The following LTBP2 variants were observed in gnomAD, a reference collection of about 807,000 sequenced individuals.
LTBP2 encodes latent-transforming growth factor beta-binding protein 2.
Under a neutral mutation model 210.6 loss-of-function variants are expected in LTBP2, and 103 were observed. The observed-to-expected ratio is 0.49, with a 90% CI of 0.42 to 0.58. The LOEUF is 0.58. Ranked by LOEUF, LTBP2 falls within the 20% of genes least tolerant of loss-of-function variation. LTBP2 has a pLI of 0.00. For missense variants in LTBP2, 2,313 were observed against 2,494.5 expected (o/e 0.93, Z 1.55); for synonymous variants, 1,007 against 1,015.0 (o/e 0.99, Z 0.15).
intron 3 of LTBP2, among the ~76,000 whole-genome samples, chr14:74,565,322 A>G (rs1386868656): frequency 6.6e-6 from 1 of 152,216 alleles, no homozygotes; most frequent in Non-Finnish European, 1.5e-5. Context: ...AAGCAGGCCT[A>G]GGACATGTTG....
intron 8 of LTBP2, among the ~76,000 whole-genome samples, chr14:74,547,904 C>T (rs2087598032): frequency 6.6e-6 from 1 of 152,168 alleles, no homozygotes; most frequent in African/African-American, 2.4e-5. Context: ...TGCCTTTCTA[C>T]AGGAGAGCCA....
intron 3 of LTBP2, among the ~76,000 whole-genome samples, chr14:74,561,394 TTATC>T (rs1208710412): frequency 2.0e-5 from 3 of 152,220 alleles, no homozygotes; most frequent in Non-Finnish European, 2.9e-5. Flanking sequence ...ATACATCATC[TTATC>T]TATGTTATTT....
chr14:74,550,073 G>A, intron 7 of LTBP2, 108 bp from the exon 8 acceptor site: 2 of 754,336 alleles, frequency 2.7e-6, no homozygotes, highest in East Asian at 2.6e-5. Flanking sequence ...CCCACATTCT[G>A]CCAGAGGATG....
intron 9 of LTBP2, among the ~76,000 whole-genome samples, chr14:74,533,269 CAGG>C (rs1313643755): frequency 6.6e-6 from 1 of 152,226 alleles, no homozygotes; most frequent in Non-Finnish European, 1.5e-5. Flanking sequence ...CCTCATTTTA[CAGG>C]AGAAGAAACT....
intron 18 of LTBP2, among the ~76,000 whole-genome samples, chr14:74,515,984 C>T (rs964235682): frequency 1.1e-4 from 16 of 152,224 alleles, no homozygotes; most frequent in Non-Finnish European, 2.4e-4. Context: ...GGAAGGGAAG[C>T]TGTCCTTTCA....
intron 2 of LTBP2, among the ~76,000 whole-genome samples, 161 bp downstream of exon 2, chr14:74,603,473 CT>C (rs2139807639): frequency 6.6e-6 from 1 of 152,342 alleles, no homozygotes; most frequent in South Asian, 2.1e-4. Flanking sequence ...TGGATGTTGC[CT>C]CCACTTTAAA....
chr14:74,512,722 C>T (rs2087087711), intron 18 of LTBP2, among the ~76,000 whole-genome samples: 1 of 152,230 alleles, frequency 6.6e-6, no homozygotes, highest in African/African-American at 2.4e-5. Context: ...AGGAGAGTCC[C>T]ACAACTCCCA....
intron 2 of LTBP2, among the ~76,000 whole-genome samples, chr14:74,595,814 G>A (rs114377511): frequency 0.015 from 2,251 of 152,288 alleles, 54 homozygotes; most frequent in African/African-American, 0.052. Context: ...GCATTCAAAC[G>A]CACGATTTGC....
intron 3 of LTBP2, among the ~76,000 whole-genome samples, chr14:74,560,525 C>A (rs1280698089): frequency 6.6e-6 from 1 of 152,228 alleles, no homozygotes; most frequent in Non-Finnish European, 1.5e-5. Flanking sequence ...TGTGCCCACA[C>A]CCTGCCCGAC....
At chr14:74,534,243 G>A (rs992403294) in intron 9 of LTBP2, among the ~76,000 whole-genome samples, 10 of 152,170 alleles carry the variant, frequency 6.6e-5, no homozygotes, top group African/African-American at 2.4e-4. Flanking sequence ...CTTAGAGGGA[G>A]GCTCTAAACC....
chr14:74,564,095 ATATT>A (rs1193846185), intron 3 of LTBP2, among the ~76,000 whole-genome samples: 3 of 35,330 alleles, frequency 8.5e-5, no homozygotes, highest in African/African-American at 2.9e-4. Flanking sequence ...ATTTATATAT[ATATT>A]TATATATATA....
chr14:74,527,044 A>G (rs1454777222), intron 13 of LTBP2, among the ~76,000 whole-genome samples: 1 of 152,224 alleles, frequency 6.6e-6, no homozygotes, highest in Non-Finnish European at 1.5e-5. Context: ...CTTGAGTGAC[A>G]GCCAGGCCTA....
intron 18 of LTBP2, among the ~76,000 whole-genome samples, chr14:74,511,997 GA>G (rs1248432567): frequency 6.6e-6 from 1 of 152,206 alleles, no homozygotes; most frequent in Non-Finnish European, 1.5e-5. Flanking sequence ...TGAGATCCAG[GA>G]AAGTCAGCCA....
rs1409727192 is a variant in LTBP2, at chr14:74,509,264, G to T, written c.3377C>A (p.Pro1126His). 1 of 1,613,510 alleles carries T rather than the reference G, an allele frequency of 6.2e-7. No homozygotes were observed. The highest frequency in any genetic ancestry group is 2.2e-5 in the East Asian group (1 of 44,890). ...SCKDCDGGYR[P>H]SPLGDSCEDV... ...TTCACAGGAGTCACCCAGGGGGCTG[G>T]GCCGGTAGCCCCCATCGCAGTCCTT... Residue 1126 changes from proline to histidine, a missense_variant, in exon 22 of 36, where the codon CCC (proline) becomes CAC (histidine). This residue lies in a region of LTBP2 where 1,867 missense variants were observed against 1,976.9 expected (regional missense o/e 0.94). Transcript: ENST00000261978.
At chr14:74,537,746 C>T (rs78796957) in intron 8 of LTBP2, among the ~76,000 whole-genome samples, 1 of 151,244 alleles carries the variant, frequency 6.6e-6, no homozygotes, top group Admixed American at 6.6e-5. Flanking sequence ...TTCATATTTT[C>T]TTCTTCTTCT....
chr14:74,551,143 G>A lies in LTBP2; in HGVS notation c.1607C>T (p.Pro536Leu), dbSNP rs769526400. The change falls in exon 7 of 36, where the codon CCC becomes CTC. Residue 536 changes from proline to leucine, a missense_variant. By Grantham distance (98) the Pro-to-Leu change is moderately conservative (BLOSUM62 -3). Coordinates refer to ENST00000261978, the MANE Select transcript of LTBP2 (RefSeq NM_000428.3). ...SNNIPARSGE[P>L]PRPLPPAAPR... is the part of the protein sequence containing the mutation. Reference sequence around the variant, plus strand: ...TGCTGCTGGGGGCAGTGGCCGAGGGGGCTCTCCAGACCGAGCAGGGATGTT... The same window carrying A: ...TGCTGCTGGGGGCAGTGGCCGAGGGAGCTCTCCAGACCGAGCAGGGATGTT... The A allele has an allele frequency of 1.2e-6, 2 of 1,613,772 alleles. No individual in the cohort carries two copies. Among genetic ancestry groups the A allele is most frequent in the Non-Finnish European group, 8.5e-7 (1 of 1,180,012 alleles).
chr14:74,520,907 T>C (rs1368523486), intron 17 of LTBP2, among the ~76,000 whole-genome samples: 1 of 152,236 alleles, frequency 6.6e-6, no homozygotes, highest in Non-Finnish European at 1.5e-5. Context: ...CTCATCTGGA[T>C]CCTACAGTGT....
intron 8 of LTBP2, 96 bp from the exon 9 acceptor site, chr14:74,536,096 AC>A (rs764912594): frequency 4.3e-4 from 452 of 1,063,282 alleles, no homozygotes; most frequent in Non-Finnish European, 5.6e-4. Context: ...TGTCCAGCCC[AC>A]CCGGCAGCAG....
At chr14:74,523,501 T>C (rs2139712221) in intron 15 of LTBP2, among the ~76,000 whole-genome samples, 1 of 148,150 alleles carries the variant, frequency 6.7e-6, no homozygotes, top group East Asian at 2.0e-4. Context: ...GTAAGGGAGG[T>C]ATAGTGGGTC....
Sources: allele counts gnomAD v4.1 joint callset (sites outside exome capture counted in the v4.1 genomes callset), GRCh38; gene constraint gnomAD v4.1.1; regional missense constraint gnomAD v4.1.1; transcripts MANE v1.5; gene names NCBI Gene and HGNC (gene_info 2026-07-23, HGNC 2026-07-21).